The following KCNQ1 variants were observed in gnomAD, a reference collection of about 807,000 sequenced individuals.
The protein encoded by KCNQ1 is potassium voltage-gated channel subfamily KQT member 1.
Under a neutral mutation model 72.4 loss-of-function variants are expected in KCNQ1, and 49 were observed. The ratio of observed to expected loss-of-function variants is 0.68; its 90% CI spans 0.54 to 0.86. The LOEUF is 0.86. Among genes scored for constraint, KCNQ1 ranks in the 40% least tolerant of loss-of-function variants. KCNQ1 has a pLI of 0.00. For synonymous variants in KCNQ1, 450 were observed against 412.6 expected, an observed-to-expected ratio of 1.09 and a Z score of -1.10; for missense variants, 790 against 945.1, an observed-to-expected ratio of 0.84 and a Z score of 2.15.
intron 15 of KCNQ1, among the ~76,000 whole-genome samples, chr11:2,841,388 C>T (rs767659953): frequency 3.3e-5 from 5 of 152,054 alleles, no homozygotes; most frequent in South Asian, 2.1e-4. Context: ...CTGGAACAAG[C>T]GGGGAACAGG....
In KCNQ1 at chr11:2,768,778, G is replaced by T; in HGVS notation, c.1515-66G>T. 1 of 1,225,916 alleles carries T rather than the reference G, an allele frequency of 8.2e-7. No homozygotes were observed. Among genetic ancestry groups the T allele is most frequent in the South Asian group, 1.2e-5 (1 of 83,146 alleles). The allele number at this position is 1,225,916 out of a possible 1,614,324, so 75.9% of individuals were successfully genotyped here. On this transcript the variant is annotated intron_variant, in intron 11 of 15. Transcript: ENST00000155840. This position sits in a 1 kb window ranked among gnomAD's most constrained non-coding sequence, Gnocchi z 6.7. Reference sequence around the variant, plus strand: ...GTCTGCGTGCTCCTCAGGCAGTGCAGGGGCAGTGAGGGGATGACCAGCACA... The same window carrying T: ...GTCTGCGTGCTCCTCAGGCAGTGCATGGGCAGTGAGGGGATGACCAGCACA...
At chr11:2,709,570 A>G (rs573058831) in intron 11 of KCNQ1, among the ~76,000 whole-genome samples, 2 of 152,028 alleles carry the variant, frequency 1.3e-5, no homozygotes, top group Non-Finnish European at 2.9e-5. Context: ...CCATCACACT[A>G]TCTAGTTCCA....
At position 2,676,082 on chromosome 11, in the gene KCNQ1, C is replaced by A. The variant is rs944025850; in HGVS notation, c.1514+14001C>A. 7.5e-6 allele frequency: 3 copies of A among 398,494 alleles called. No individual in the cohort carries two copies. The highest frequency in any genetic ancestry group is 1.3e-5 in the Non-Finnish European group (3 of 226,066). The allele number at this position is 398,494 out of a possible 1,614,324, so 24.7% of individuals were successfully genotyped here. A position where few individuals can be genotyped will look rare whatever the true frequency, so the allele number is the denominator to read the frequency against. ...GACGTATTTTATATAAACAAATATA[C>A]GTGTGTCTGTGTGTGCATGTACTTA... On this transcript the variant is annotated intron_variant, in intron 11 of 15. Coordinates refer to ENST00000155840, the MANE Select transcript of KCNQ1 (RefSeq NM_000218.3). The surrounding 1 kb of genome is among the most constrained non-coding windows in gnomAD (Gnocchi z 4.2).
chr11:2,640,104 T>C (rs1316827103), intron 10 of KCNQ1: 2 of 280,836 alleles, frequency 7.1e-6, no homozygotes, highest in Middle Eastern at 9.7e-4. Context: ...GTGCCGTCTG[T>C]CACCCCTTCC....
In KCNQ1 at chr11:2,674,722, C is replaced by T. The variant is rs1850260669; in HGVS notation, c.1514+12641C>T. ...TTCCTGATGACTCCTTCCTTCTGAA[C>T]TTAACTCGTTAAAGTTGCTCCAATC... is the stretch of plus-strand genomic sequence containing the variant. On this transcript the variant is annotated intron_variant, in intron 11 of 15. Coordinates refer to ENST00000155840, the MANE Select transcript of KCNQ1 (RefSeq NM_000218.3). The surrounding 1 kb of genome is among the most constrained non-coding windows in gnomAD (Gnocchi z 5.9). 1 of 397,106 alleles carries T rather than the reference C, an allele frequency of 2.5e-6. No individual in the cohort carries two copies. Among genetic ancestry groups the T allele is most frequent in the Non-Finnish European group, 4.4e-6 (1 of 225,908 alleles). 24.6% of individuals were successfully genotyped at this position (397,106 alleles called of 1,614,324 possible).
chr11:2,688,267 T>A (rs1175861030), intron 11 of KCNQ1: 1 of 398,720 alleles, frequency 2.5e-6, no homozygotes, highest in East Asian at 3.6e-5. Context: ...GGAGGCGCCA[T>A]GACCTCTGTT....
intron 2 of KCNQ1, among the ~76,000 whole-genome samples, chr11:2,539,819 A>G (rs1847794655): frequency 6.6e-6 from 1 of 152,076 alleles, no homozygotes; most frequent in Non-Finnish European, 1.5e-5. Flanking sequence ...GTTCTGCCTG[A>G]GGGCTGGAAA....
intron 1 of KCNQ1, among the ~76,000 whole-genome samples, chr11:2,456,899 A>C (rs1332242362): frequency 1.4e-5 from 2 of 146,938 alleles, no homozygotes; most frequent in Non-Finnish European, 3.0e-5. Context: ...AGATCACGCC[A>C]CTGCACTCCA....
At chr11:2,837,953 T>G (rs1292121881) in intron 15 of KCNQ1, among the ~76,000 whole-genome samples, 1 of 152,142 alleles carries the variant, frequency 6.6e-6, no homozygotes, top group Non-Finnish European at 1.5e-5. Context: ...GATCAGCAGG[T>G]GCCGGTGCTT....
chr11:2,848,645 T>TG lies in KCNQ1; in HGVS notation c.*648dup, dbSNP rs1308739934. ...CATTTCCCCAGGGCACGTGGTTGAG[T>TG]GGGGGGAACGCCCACTTCCCTGGGT... On this transcript the variant is annotated 3_prime_UTR_variant, in exon 16 of 16. Coordinates refer to ENST00000155840, the MANE Select transcript of KCNQ1 (RefSeq NM_000218.3). The TG allele has an allele frequency of 4.4e-6, 2 of 451,544 alleles. No homozygotes were observed. Among genetic ancestry groups the TG allele is most frequent in the South Asian group, 3.1e-5 (2 of 64,428 alleles). The allele number at this position is 451,544 out of a possible 1,614,324, so 28.0% of individuals were successfully genotyped here. A position where few individuals can be genotyped will look rare whatever the true frequency, so the allele number is the denominator to read the frequency against.
intron 10 of KCNQ1, chr11:2,638,971 C>G (rs1206502401): frequency 6.6e-6 from 1 of 152,222 alleles, no homozygotes; most frequent in Non-Finnish European, 1.5e-5. Flanking sequence ...ATTTGATCTT[C>G]AATCACCGAT....
intron 15 of KCNQ1, among the ~76,000 whole-genome samples, chr11:2,837,492 C>T (rs2134077764): frequency 6.6e-6 from 1 of 152,372 alleles, no homozygotes; most frequent in Admixed American, 6.5e-5. Context: ...CGAGAGGTGA[C>T]CAAGGCCCAG....
Position 2,783,288 on chromosome 11 carries a change from T to G in KCNQ1, c.1794+5251T>G, listed in dbSNP as rs183949708. ...TAATTGTAGCACAGCTTTCTCATAA[T>G]GTTGCCCTCTTGTCAGAGAAAGCAA... is the stretch of plus-strand genomic sequence containing the variant. On this transcript the variant is annotated intron_variant, in intron 15 of 15. Transcript: ENST00000155840. This position sits in a 1 kb window ranked among gnomAD's most constrained non-coding sequence, Gnocchi z 5.2. 1.1e-3 allele frequency among the ~76,000 whole-genome samples: 173 copies of G among 152,298 alleles called. 3 individuals are homozygous for G. Among genetic ancestry groups the G allele is most frequent in the Non-Finnish European group, 8.7e-4 (59 of 67,972 alleles).
chr11:2,789,717 T>C (rs1846981425), intron 15 of KCNQ1, among the ~76,000 whole-genome samples: 1 of 152,218 alleles, frequency 6.6e-6, no homozygotes. Flanking sequence ...GGCTTGGCTC[T>C]GAGATCCACC....
Position 2,665,188 on chromosome 11 carries a change from G to A in KCNQ1, c.1514+3107G>A, listed in dbSNP as rs11821870. On this transcript the variant is annotated intron_variant, in intron 11 of 15. Coordinates refer to ENST00000155840, the MANE Select transcript of KCNQ1 (RefSeq NM_000218.3). Reference sequence around the variant, plus strand: ...CTCTGGGCGGCCAGGACTCAGCCTCGAACACACCTTTCAGGCAGAAGCTGT... The same window carrying A: ...CTCTGGGCGGCCAGGACTCAGCCTCAAACACACCTTTCAGGCAGAAGCTGT... 2,726 of 398,606 alleles carry A rather than the reference G, an allele frequency of 6.8e-3. 71 individuals are homozygous for A. Among genetic ancestry groups the A allele is most frequent in the African/African-American group, 0.05 (2,426 of 48,656 alleles). The allele number at this position is 398,606 out of a possible 1,614,324, so 24.7% of individuals were successfully genotyped here. A position where few individuals can be genotyped will look rare whatever the true frequency, so the allele number is the denominator to read the frequency against.
rs576840879 is a variant in KCNQ1, at chr11:2,767,849, A to T, written c.1515-995A>T. 1.3e-5 allele frequency among the ~76,000 whole-genome samples: 2 copies of T among 152,340 alleles called. No individual in the cohort carries two copies. Among genetic ancestry groups the T allele is most frequent in the East Asian group, 3.9e-4 (2 of 5,190 alleles). ...GTGTTTCCAGAGGAAGTTGTGTGAA[A>T]GGTGGCTAGAGGACCAGAATCTTTT... On this transcript the variant is annotated intron_variant, in intron 11 of 15. Transcript: ENST00000155840. The surrounding 1 kb of genome is among the most constrained non-coding windows in gnomAD (Gnocchi z 4.6).
chr11:2,508,517 T>C lies in KCNQ1; in HGVS notation c.387-19411T>C, dbSNP rs564860791. The stretch of plus-strand genomic sequence containing the variant: ...CTGTCATGCAGAGAGGGTGATGATA[T>C]AACCAGCTGGGTGTTCGCACCTGAG... On this transcript the variant is annotated intron_variant, in intron 1 of 15. Coordinates refer to ENST00000155840, the MANE Select transcript of KCNQ1 (RefSeq NM_000218.3). The surrounding 1 kb of genome is among the most constrained non-coding windows in gnomAD (Gnocchi z 6.2). 6.6e-6 allele frequency among the ~76,000 whole-genome samples: 1 copy of C among 151,902 alleles called. No homozygotes were observed. Among genetic ancestry groups the C allele is most frequent in the African/African-American group, 2.4e-5 (1 of 41,340 alleles).
chr11:2,669,971 A>C lies in KCNQ1; in HGVS notation c.1514+7890A>C, dbSNP rs1027632900. The C allele has an allele frequency of 3.0e-5, 12 of 398,606 alleles. No homozygotes were observed. Among genetic ancestry groups the C allele is most frequent in the Non-Finnish European group, 5.3e-5 (12 of 226,168 alleles). 24.7% of individuals were successfully genotyped at this position (398,606 alleles called of 1,614,324 possible). ...GGGAAGGGAAGTCTAGAGGTCCCCA[A>C]GTCACAACCTCAAATCTCGGAATGG... On this transcript the variant is annotated intron_variant, in intron 11 of 15. Transcript: ENST00000155840. The surrounding 1 kb of genome is among the most constrained non-coding windows in gnomAD (Gnocchi z 5.6).
intron 10 of KCNQ1, among the ~76,000 whole-genome samples, chr11:2,597,767 G>T (rs1372448232): frequency 2.6e-5 from 4 of 152,168 alleles, no homozygotes; most frequent in African/African-American, 9.7e-5. Flanking sequence ...TTTTTAGTCT[G>T]TTTTATGATA....
Sources: gnomAD v4.1 joint callset for allele counts (sites outside exome capture counted in the v4.1 genomes callset) on GRCh38, gnomAD v4.1.1 for gene constraint, Gnocchi (gnomAD v3.1) non-coding constraint, MANE v1.5 for transcripts, NCBI Gene and HGNC (gene_info 2026-07-23, HGNC 2026-07-21) for gene names.